RNGTT: variants seen among roughly 807,000 people sequenced by gnomAD.
The protein encoded by RNGTT is RNA guanylyltransferase and 5'-phosphatase.
Under a neutral mutation model 79.3 loss-of-function variants are expected in RNGTT, and 33 were observed. The ratio of observed to expected loss-of-function variants is 0.42; its 90% CI spans 0.32 to 0.56. The LOEUF (loss-of-function observed/expected upper bound fraction) is 0.56. Ranked by LOEUF, RNGTT falls within the 20% of genes least tolerant of loss-of-function variation. RNGTT has a pLI of 0.17. For synonymous variants in RNGTT, 222 were observed against 235.9 expected (o/e 0.94, Z 0.54); for missense variants, 497 against 739.1 (o/e 0.67, Z 3.80).
intron 14 of RNGTT, among the ~76,000 whole-genome samples, chr6:88,667,027 G>A (rs1774438593): frequency 6.6e-6 from 1 of 152,202 alleles, no homozygotes; most frequent in Non-Finnish European, 1.5e-5. Context: ...GGAAGCCTCG[G>A]AGGGTGGCAG....
chr6:88,826,792 A>C (rs1157599527), intron 11 of RNGTT, among the ~76,000 whole-genome samples: 13 of 119,678 alleles, frequency 1.1e-4, no homozygotes, highest in Non-Finnish European at 1.8e-4. Context: ...TCAAAAGAAA[A>C]AAAAAAAATA....
At chr6:88,849,940 T>C in intron 9 of RNGTT, 114 bp from the exon 10 acceptor site, 1 of 1,032,674 alleles carries the variant, frequency 9.7e-7, no homozygotes, top group Non-Finnish European at 1.3e-6. Flanking sequence ...TACAACTTGA[T>C]GAAATTTCAA....
intron 11 of RNGTT, among the ~76,000 whole-genome samples, chr6:88,820,381 G>A (rs1286440773): frequency 6.6e-6 from 1 of 152,098 alleles, no homozygotes; most frequent in East Asian, 1.9e-4. Context: ...TGTCAGAACA[G>A]GACAAAGATA....
chr6:88,896,761 T>C (rs1356621973), intron 6 of RNGTT, among the ~76,000 whole-genome samples: 1 of 152,184 alleles, frequency 6.6e-6, no homozygotes, highest in African/African-American at 2.4e-5. Context: ...AAACCCTCTA[T>C]CCTTTGTGTA....
rs887904737 is a variant in RNGTT, at chr6:88,954,970, A to T, written c.64+8376T>A. 7.9e-5 allele frequency among the ~76,000 whole-genome samples: 12 copies of T among 152,204 alleles called. No individual in the cohort carries two copies. The South Asian group carries it at 2.5e-3, about 32-fold the overall frequency. ...CTACTAGGGAGGCTGAGGCAGGAGAATTGTTTGAACCTGGGAGGCAGAGGT... is the reference window on the plus strand; with the variant it reads ...CTACTAGGGAGGCTGAGGCAGGAGATTTGTTTGAACCTGGGAGGCAGAGGT... On this transcript the variant is annotated intron_variant, in intron 1 of 15. Transcript: ENST00000369485.
Position 88,647,786 on chromosome 6 carries a change from T to G in RNGTT, c.1506+30567A>C, listed in dbSNP as rs184578828. ...AGGGGAGGGAACGAAAAACATGCCC[T>G]GAACAAACTTAACCAATCAATCTGT... On this transcript the variant is annotated intron_variant, in intron 14 of 15. Coordinates refer to ENST00000369485, the MANE Select transcript of RNGTT (RefSeq NM_003800.5). 1.9e-3 allele frequency among the ~76,000 whole-genome samples: 286 copies of G among 151,094 alleles called. 11 individuals are homozygous for G. The highest frequency in any genetic ancestry group is 6.9e-3 in the African/African-American group (281 of 40,756).
chr6:88,619,155 C>A (rs564225163), intron 14 of RNGTT, among the ~76,000 whole-genome samples: 2 of 152,014 alleles, frequency 1.3e-5, no homozygotes, highest in East Asian at 3.9e-4. Context: ...ATGGGGCTCC[C>A]TACCACAGAT....
intron 11 of RNGTT, among the ~76,000 whole-genome samples, chr6:88,820,793 G>A (rs531091195): frequency 5.9e-5 from 9 of 152,118 alleles, no homozygotes; most frequent in East Asian, 1.9e-4. Context: ...GAATTCCAAC[G>A]AAAGAAACCA....
chr6:88,741,258 C>A (rs150581252), intron 13 of RNGTT, among the ~76,000 whole-genome samples: 1 of 152,052 alleles, frequency 6.6e-6, no homozygotes, highest in African/African-American at 2.4e-5. Context: ...TGGAATACTA[C>A]GCAGCCATAA....
intron 11 of RNGTT, among the ~76,000 whole-genome samples, chr6:88,810,851 G>A (rs754143693): frequency 1.3e-5 from 2 of 152,204 alleles, no homozygotes; most frequent in African/African-American, 2.4e-5. Flanking sequence ...CAGTGTTCAT[G>A]AGATAGATAT....
intron 1 of RNGTT, among the ~76,000 whole-genome samples, chr6:88,944,864 T>A (rs768866954): frequency 8.5e-5 from 13 of 152,178 alleles, no homozygotes; most frequent in Non-Finnish European, 1.8e-4. Flanking sequence ...TGTGACTACA[T>A]TCCTCAAAGG....
intron 13 of RNGTT, among the ~76,000 whole-genome samples, chr6:88,695,272 G>T (rs1775622435): frequency 6.6e-6 from 1 of 151,984 alleles, no homozygotes; most frequent in Non-Finnish European, 1.5e-5. Context: ...TTTGATAAGG[G>T]ATTAATACCC....
At chr6:88,798,201 A>G (rs1191365730) in intron 12 of RNGTT, among the ~76,000 whole-genome samples, 2 of 152,176 alleles carry the variant, frequency 1.3e-5, no homozygotes, top group Non-Finnish European at 2.9e-5. Flanking sequence ...ACAGTGGCTC[A>G]TACCTGTAAT....
chr6:88,914,823 C>T (rs561519541), intron 4 of RNGTT, among the ~76,000 whole-genome samples: 2 of 152,108 alleles, frequency 1.3e-5, no homozygotes, highest in African/African-American at 2.4e-5. Context: ...AAACTATCAA[C>T]AGAGTAAACA....
intron 4 of RNGTT, among the ~76,000 whole-genome samples, chr6:88,922,038 C>G (rs1479413670): frequency 6.6e-6 from 1 of 150,806 alleles, no homozygotes; most frequent in Non-Finnish European, 1.5e-5. Flanking sequence ...TGAGGAACAA[C>G]CACATTAATT....
intron 8 of RNGTT, among the ~76,000 whole-genome samples, chr6:88,878,294 G>T (rs1782584800): frequency 6.6e-6 from 1 of 151,738 alleles, no homozygotes; most frequent in Non-Finnish European, 1.5e-5. Flanking sequence ...ACAGGTTTTT[G>T]CCATGTTGGT....
intron 8 of RNGTT, among the ~76,000 whole-genome samples, chr6:88,879,739 T>C (rs1042089310): frequency 2.6e-5 from 4 of 152,220 alleles, no homozygotes; most frequent in Non-Finnish European, 5.9e-5. Flanking sequence ...AAAATCTTTA[T>C]ATTAAATATG....
At chr6:88,773,394 G>A (rs1434028233) in intron 12 of RNGTT, among the ~76,000 whole-genome samples, 9 of 147,140 alleles carry the variant, frequency 6.1e-5, no homozygotes, top group Admixed American at 2.7e-4. Flanking sequence ...TGGGTGCAGC[G>A]CACCAGCATG....
chr6:88,755,000 T>C (rs771222936), intron 13 of RNGTT, among the ~76,000 whole-genome samples: 3 of 152,156 alleles, frequency 2.0e-5, no homozygotes, highest in Non-Finnish European at 2.9e-5. Flanking sequence ...CCACACTCTA[T>C]ATTTCTGTGT....
Sources: allele counts gnomAD v4.1 joint callset (sites outside exome capture counted in the v4.1 genomes callset), GRCh38; gene constraint gnomAD v4.1.1; transcripts MANE v1.5; gene names NCBI Gene and HGNC (gene_info 2026-07-23, HGNC 2026-07-21).